Variants in LIMCH1 observed in about 807,000 individuals in gnomAD.
LIMCH1 encodes the protein LIM and calponin homology domains 1.
Under a neutral mutation model 176.5 loss-of-function variants are expected in LIMCH1, and 113 were observed. That is an observed-to-expected ratio of 0.64 (90% CI 0.55 to 0.75). LIMCH1 has a LOEUF of 0.75. LIMCH1 is among the 30% of genes least tolerant of loss of function. LIMCH1 has a pLI of 0.00. For synonymous variants in LIMCH1, 619 were observed against 645.9 expected, an observed-to-expected ratio of 0.96 and a Z score of 0.63; for missense variants, 1,674 against 1,814.9, an observed-to-expected ratio of 0.92 and a Z score of 1.41.
intron 8 of LIMCH1, 42 bp from the exon 9 acceptor site, chr4:41,629,450 T>C: frequency 6.5e-7 from 1 of 1,530,894 alleles, no homozygotes; most frequent in South Asian, 1.2e-5. Context: ...TTCCTTGAAC[T>C]TGATTTTTCC....
chr4:41,455,711 A>G (rs967463137), intron 1 of LIMCH1, among the ~76,000 whole-genome samples: 24 of 152,206 alleles, frequency 1.6e-4, no homozygotes, highest in African/African-American at 5.5e-4. Context: ...AGTTGCTTCG[A>G]CTCAGCGCAC....
At position 41,629,718 on chromosome 4, in the gene LIMCH1, G is replaced by A. The variant is rs769815673; in HGVS notation, c.1255G>A (p.Val419Met). 2.1e-5 allele frequency: 32 copies of A among 1,535,814 alleles called. No individual in the cohort carries two copies. The highest frequency in any genetic ancestry group is 3.3e-4 in the Middle Eastern group (2 of 5,988). The change falls in exon 9 of 32, where the codon GTG (valine) becomes ATG (methionine). Residue 419 changes from valine to methionine, a missense_variant. By Grantham distance (21) the Val-to-Met change is conservative. This residue lies in a region of LIMCH1 where 655 missense variants were observed against 692.2 expected (regional missense o/e 0.95). Transcript: ENST00000503057. ...ADLETWERLK[V>M]SEKARDGDVQ... ...CTTGGAGACGTGGGAGAGACTCAAA[G>A]TGTCAGAAAAGGCGAGGTGTGTCAT...
chr4:41,391,284 C>T (rs1163501313), intron 1 of LIMCH1, among the ~76,000 whole-genome samples: 2 of 152,202 alleles, frequency 1.3e-5, no homozygotes, highest in African/African-American at 4.8e-5. Flanking sequence ...GACATAATTA[C>T]ATCATATAGC....
At chr4:41,464,257 T>C (rs2065785378) in intron 1 of LIMCH1, among the ~76,000 whole-genome samples, 1 of 151,876 alleles carries the variant, frequency 6.6e-6, no homozygotes, top group African/African-American at 2.4e-5. Context: ...TCCACTGGGC[T>C]GTGTGCATGC....
intron 1 of LIMCH1, among the ~76,000 whole-genome samples, chr4:41,397,577 G>T (rs1166834714): frequency 6.6e-6 from 1 of 151,832 alleles, no homozygotes; most frequent in Non-Finnish European, 1.5e-5. Context: ...TTAACATCTG[G>T]AGTTTTGTTT....
At chr4:41,601,432 A>T (rs759507126) in intron 2 of LIMCH1, among the ~76,000 whole-genome samples, 2 of 152,198 alleles carry the variant, frequency 1.3e-5, no homozygotes, top group African/African-American at 2.4e-5. Flanking sequence ...AAGGAAGAAC[A>T]GGCTGTGGGA....
At chr4:41,576,266 T>C (rs2084444903) in intron 1 of LIMCH1, among the ~76,000 whole-genome samples, 1 of 152,222 alleles carries the variant, frequency 6.6e-6, no homozygotes, top group Admixed American at 6.5e-5. Flanking sequence ...TTGCTCAATA[T>C]ACATTTTTTC....
intron 25 of LIMCH1, among the ~76,000 whole-genome samples, chr4:41,681,417 A>G (rs1454044003): frequency 6.6e-6 from 1 of 152,108 alleles, no homozygotes; most frequent in Non-Finnish European, 1.5e-5. Flanking sequence ...TTCAATATAT[A>G]TTTATTCCCC....
chr4:41,536,095 C>T (rs559690336), upstream of LIMCH1, among the ~76,000 whole-genome samples: 6 of 152,260 alleles, frequency 3.9e-5, 1 homozygote, highest in South Asian at 4.1e-4. Flanking sequence ...TTTCAGCTGA[C>T]GTCTGACTCC....
intron 26 of LIMCH1, 28 bp from the exon 27 acceptor site, chr4:41,684,369 T>G: frequency 1.2e-6 from 2 of 1,609,028 alleles, no homozygotes; most frequent in Non-Finnish European, 1.7e-6. Context: ...TTCTCTCTGC[T>G]CTGAAGTATA....
At chr4:41,609,097 C>A (rs1421412470) in intron 4 of LIMCH1, among the ~76,000 whole-genome samples, 1 of 152,240 alleles carries the variant, frequency 6.6e-6, no homozygotes, top group East Asian at 1.9e-4. Context: ...GATACCGTGA[C>A]TGGCCCAGGC....
At chr4:41,515,056 G>T (rs1302467969) in intron 2 of LIMCH1, among the ~76,000 whole-genome samples, 1 of 152,210 alleles carries the variant, frequency 6.6e-6, no homozygotes, top group Non-Finnish European at 1.5e-5. Context: ...AGTAGATTCA[G>T]AATTCTCATG....
intron 2 of LIMCH1, among the ~76,000 whole-genome samples, chr4:41,502,551 C>T (rs1178801481): frequency 2.6e-5 from 4 of 152,206 alleles, no homozygotes; most frequent in African/African-American, 4.8e-5. Flanking sequence ...TCCTTTTTCT[C>T]TGCAACCTCA....
intron 2 of LIMCH1, among the ~76,000 whole-genome samples, chr4:41,508,505 C>A (rs1440178489): frequency 6.6e-6 from 1 of 152,118 alleles, no homozygotes; most frequent in Admixed American, 6.5e-5. Context: ...ATGCATTCAA[C>A]TTGCTCAAGT....
Position 41,606,043 on chromosome 4 carries a change from C to G in LIMCH1, c.9+39C>G, listed in dbSNP as rs748990865. ...TCTTCTTTATCCCATAAGCGTTAGA[C>G]AAGGTGGGAAAGCTACACATTTGCT... On this transcript the variant is annotated intron_variant, in intron 4 of 31. Transcript: ENST00000503057. The G allele has an allele frequency of 2.5e-5, 35 of 1,398,414 alleles. No homozygotes were observed. The Middle Eastern group carries it at 2.7e-3, about 106-fold the overall frequency. 86.6% of individuals were successfully genotyped at this position (1,398,414 alleles called of 1,614,324 possible). A position where few individuals can be genotyped will look rare whatever the true frequency, so the allele number is the denominator to read the frequency against.
intron 1 of LIMCH1, among the ~76,000 whole-genome samples, chr4:41,487,276 C>A (rs747115401): frequency 3.9e-5 from 6 of 152,108 alleles, no homozygotes; most frequent in Non-Finnish European, 5.9e-5. Flanking sequence ...AGCTGTTGAT[C>A]CTCCTAACAA....
At chr4:41,397,770 G>A (rs2057962799) in intron 1 of LIMCH1, among the ~76,000 whole-genome samples, 1 of 152,028 alleles carries the variant, frequency 6.6e-6, no homozygotes, top group Non-Finnish European at 1.5e-5. Flanking sequence ...CCATTATGAT[G>A]GTGACTTTGT....
chr4:41,506,021 T>G (rs940701363), intron 2 of LIMCH1, among the ~76,000 whole-genome samples: 1 of 151,442 alleles, frequency 6.6e-6, no homozygotes, highest in African/African-American at 2.4e-5. Context: ...AAAGGATGGA[T>G]GTATTTGCTT....
At chr4:41,446,793 C>G (rs1031504681) in intron 1 of LIMCH1, among the ~76,000 whole-genome samples, 2 of 152,106 alleles carry the variant, frequency 1.3e-5, no homozygotes, top group Admixed American at 1.3e-4. Flanking sequence ...TTAAAAGTGG[C>G]AAGTGGCCTC....
Sources: gnomAD v4.1 joint callset for allele counts (sites outside exome capture counted in the v4.1 genomes callset) on GRCh38, gnomAD v4.1.1 for gene constraint, gnomAD v4.1.1 regional missense constraint, MANE v1.5 for transcripts, NCBI Gene and HGNC (gene_info 2026-07-23, HGNC 2026-07-21) for gene names.